The following EXOC4 variants were observed in gnomAD, a reference collection of about 807,000 sequenced individuals.
EXOC4 encodes exocyst complex component 4, also known as SEC8-like 1.
EXOC4 carries 71 observed loss-of-function variants against 107.2 expected under a neutral mutation model. That is an observed-to-expected ratio of 0.66 (90% CI 0.55 to 0.81). The LOEUF is 0.81. EXOC4 is among the 30% of genes least tolerant of loss of function. The pLI, the probability that EXOC4 is intolerant of heterozygous loss-of-function variation, is 0.00. For synonymous variants in EXOC4, 456 were observed against 441.2 expected (o/e 1.03, Z -0.42); for missense variants, 1,108 against 1,189.6 (o/e 0.93, Z 1.01).
At chr7:133,914,049 T>C (rs1799752722) in intron 12 of EXOC4, among the ~76,000 whole-genome samples, 2 of 152,286 alleles carry the variant, frequency 1.3e-5, no homozygotes, top group African/African-American at 4.8e-5. Context: ...TAAAAAGTGC[T>C]CTTGGGTTGG....
chr7:133,302,242 G>A (rs28653079), intron 3 of EXOC4, among the ~76,000 whole-genome samples: 210 of 152,138 alleles, frequency 1.4e-3, no homozygotes, highest in African/African-American at 4.8e-3. Flanking sequence ...TAAAACATTT[G>A]GAAAAGGTTT....
At chr7:133,636,222 A>G (rs1280222642) in intron 10 of EXOC4, among the ~76,000 whole-genome samples, 2 of 43,132 alleles carry the variant, frequency 4.6e-5, no homozygotes, top group Non-Finnish European at 9.5e-5. Flanking sequence ...AGATAATACT[A>G]TACCTCATTT....
intron 17 of EXOC4, among the ~76,000 whole-genome samples, chr7:134,031,199 G>A (rs1341433418): frequency 6.6e-6 from 1 of 152,128 alleles, no homozygotes; most frequent in Non-Finnish European, 1.5e-5. Context: ...TATGGTCCTG[G>A]TTGTATATAT....
At chr7:133,672,146 C>T (rs566473628) in intron 10 of EXOC4, among the ~76,000 whole-genome samples, 90 of 152,162 alleles carry the variant, frequency 5.9e-4, no homozygotes, top group Non-Finnish European at 1.1e-3. Flanking sequence ...AATCCCAGCA[C>T]TTTGGGAGGC....
intron 7 of EXOC4, among the ~76,000 whole-genome samples, chr7:133,462,207 G>A (rs1798610019): frequency 6.6e-6 from 1 of 152,080 alleles, no homozygotes; most frequent in Non-Finnish European, 1.5e-5. Flanking sequence ...AGTGACTATA[G>A]TAAGTAGGTG....
intron 17 of EXOC4, among the ~76,000 whole-genome samples, chr7:134,027,834 T>G (rs1269462408): frequency 6.6e-6 from 1 of 152,152 alleles, no homozygotes; most frequent in Non-Finnish European, 1.5e-5. Context: ...GAGTAGGACC[T>G]TAGAGATGGT....
chr7:133,449,743 G>GTGTGTGTT (rs1371437999), intron 7 of EXOC4, among the ~76,000 whole-genome samples: 14 of 114,492 alleles, frequency 1.2e-4, no homozygotes, highest in African/African-American at 3.8e-4. Flanking sequence ...GTGTGTGTGT[G>GTGTGTGTT]TGTGTACATC....
At chr7:133,781,209 A>G (rs1796459365) in intron 10 of EXOC4, among the ~76,000 whole-genome samples, 1 of 152,256 alleles carries the variant, frequency 6.6e-6, no homozygotes, top group African/African-American at 2.4e-5. Flanking sequence ...TTTGTGAAGA[A>G]GGCTTTTGGA....
chr7:133,604,843 C>T (rs1239845396), intron 9 of EXOC4, among the ~76,000 whole-genome samples: 1 of 150,658 alleles, frequency 6.6e-6, no homozygotes, highest in African/African-American at 2.4e-5. Context: ...CCTGCCTCAG[C>T]CTCCTGAGTA....
chr7:133,689,518 G>A (rs761793652), intron 10 of EXOC4, among the ~76,000 whole-genome samples: 33 of 152,188 alleles, frequency 2.2e-4, no homozygotes, highest in Non-Finnish European at 3.2e-4. Context: ...GGGTAACAGT[G>A]TTCTGGCTAA....
intron 2 of EXOC4, among the ~76,000 whole-genome samples, chr7:133,276,892 T>G (rs1794006705): frequency 6.6e-6 from 1 of 152,222 alleles, no homozygotes; most frequent in Non-Finnish European, 1.5e-5. Context: ...AGAGTTTAGT[T>G]CCAGAATCAG....
chr7:133,556,770 G>C (rs1291856549), intron 9 of EXOC4, among the ~76,000 whole-genome samples: 1 of 152,168 alleles, frequency 6.6e-6, no homozygotes, highest in African/African-American at 2.4e-5. Flanking sequence ...TGGATGACTT[G>C]CTGAAGGAGT....
intron 11 of EXOC4, among the ~76,000 whole-genome samples, chr7:133,872,927 A>G (rs1340004435): frequency 6.6e-6 from 1 of 152,270 alleles, no homozygotes; most frequent in East Asian, 1.9e-4. Context: ...TTTTTAAAAC[A>G]TATGACCCTA....
chr7:133,382,949 G>A (rs753980468), intron 7 of EXOC4, among the ~76,000 whole-genome samples: 1 of 152,176 alleles, frequency 6.6e-6, no homozygotes, highest in Non-Finnish European at 1.5e-5. Context: ...AGCTATCATA[G>A]TAACGGGGTG....
chr7:133,962,450 C>T (rs1257290322), intron 14 of EXOC4, among the ~76,000 whole-genome samples: 3 of 152,148 alleles, frequency 2.0e-5, no homozygotes, highest in South Asian at 2.1e-4. Flanking sequence ...ATGACACTCT[C>T]ATTAGGTTAA....
chr7:133,451,327 C>G (rs906860856), intron 7 of EXOC4, among the ~76,000 whole-genome samples: 1 of 151,784 alleles, frequency 6.6e-6, no homozygotes, highest in African/African-American at 2.4e-5. Context: ...GGAAGTCTGA[C>G]ATTTGTTCCT....
intron 9 of EXOC4, among the ~76,000 whole-genome samples, chr7:133,481,736 TTGTC>T (rs1241248247): frequency 6.6e-6 from 1 of 152,112 alleles, no homozygotes; most frequent in Non-Finnish European, 1.5e-5. Flanking sequence ...TATGAAAGGG[TTGTC>T]ATGCATTCTG....
chr7:133,291,191 T>A (rs1794396765), intron 3 of EXOC4, among the ~76,000 whole-genome samples: 1 of 152,066 alleles, frequency 6.6e-6, no homozygotes, highest in Non-Finnish European at 1.5e-5. Context: ...TAAGACACAT[T>A]TTCCGGAGGT....
At chr7:133,799,040 T>C (rs775434101) in intron 10 of EXOC4, among the ~76,000 whole-genome samples, 71 of 152,132 alleles carry the variant, frequency 4.7e-4, no homozygotes, top group Non-Finnish European at 1.3e-4. Flanking sequence ...AGAGTTCCAG[T>C]CATATATTGA....
Sources: allele counts gnomAD v4.1 joint callset (sites outside exome capture counted in the v4.1 genomes callset), GRCh38; gene constraint gnomAD v4.1.1; transcripts MANE v1.5; gene names NCBI Gene and HGNC (gene_info 2026-07-23, HGNC 2026-07-21).